The following RALYL variants were observed in gnomAD, a reference collection of about 807,000 sequenced individuals.
The protein encoded by RALYL is RNA-binding Raly-like protein.
A neutral mutation model predicts 35.1 loss-of-function variants in RALYL; 29 were observed. The observed-to-expected ratio is 0.83, with a 90% CI of 0.61 to 1.13. The LOEUF (loss-of-function observed/expected upper bound fraction) is 1.13, where lower values mean the gene tolerates loss of function less well. RALYL is among the 50% of genes most tolerant of loss of function. The pLI is 0.00. For synonymous variants in RALYL, 120 were observed against 127.6 expected, an observed-to-expected ratio of 0.94 and a Z score of 0.40; for missense variants, 359 against 360.4, an observed-to-expected ratio of 1.00 and a Z score of 0.03.
chr8:84,873,234 T>TA, intron 6 of RALYL, 50 bp from the exon 7 acceptor site: 4 of 1,016,716 alleles, frequency 3.9e-6, no homozygotes, highest in Non-Finnish European at 6.0e-6. Flanking sequence ...CTAGGTGAGT[T>TA]ATGGTGCATT....
At chr8:84,913,683 T>C (rs1847949481) in intron 8 of RALYL, among the ~76,000 whole-genome samples, 1 of 151,992 alleles carries the variant, frequency 6.6e-6, no homozygotes, top group Non-Finnish European at 1.5e-5. Flanking sequence ...AAACATGAAA[T>C]AGAAGGTACT....
intron 1 of RALYL, among the ~76,000 whole-genome samples, chr8:84,525,733 C>T (rs549492214): frequency 6.6e-6 from 1 of 152,008 alleles, no homozygotes; most frequent in Non-Finnish European, 1.5e-5. Flanking sequence ...CAAATTCGTT[C>T]TTCTGCAGTT....
At chr8:84,691,902 T>G (rs1838134339) in intron 2 of RALYL, among the ~76,000 whole-genome samples, 1 of 152,046 alleles carries the variant, frequency 6.6e-6, no homozygotes, top group Non-Finnish European at 1.5e-5. Flanking sequence ...TAAAATATCA[T>G]GATCACATTG....
At chr8:84,718,632 G>A (rs1564426714) in intron 2 of RALYL, among the ~76,000 whole-genome samples, 1 of 151,890 alleles carries the variant, frequency 6.6e-6, no homozygotes, top group Non-Finnish European at 1.5e-5. Flanking sequence ...GGGCGTGGTG[G>A]TGCATGCCTG....
intron 2 of RALYL, among the ~76,000 whole-genome samples, chr8:84,554,949 C>CT (rs926889029): frequency 2.0e-5 from 3 of 151,948 alleles, no homozygotes; most frequent in Admixed American, 2.0e-4. Flanking sequence ...AGTCATAACT[C>CT]TTTTTTTACC....
intron 4 of RALYL, among the ~76,000 whole-genome samples, chr8:84,823,574 A>G (rs779435939): frequency 3.2e-4 from 49 of 152,050 alleles, no homozygotes; most frequent in Non-Finnish European, 6.2e-4. Flanking sequence ...GGGAGACTAG[A>G]AAGCCCTGAA....
chr8:84,894,733 T>G, intron 8 of RALYL, among the ~76,000 whole-genome samples: 1 of 152,290 alleles, frequency 6.6e-6, no homozygotes, highest in Middle Eastern at 3.4e-3. Context: ...TCTTCAAGAG[T>G]TCTGATCCCT....
chr8:84,543,016 C>G (rs2060119123), intron 2 of RALYL, among the ~76,000 whole-genome samples: 2 of 152,094 alleles, frequency 1.3e-5, no homozygotes. Context: ...ATCATTTGTC[C>G]TATATAATTG....
At chr8:84,204,633 C>G (rs1220938961) in intron 1 of RALYL, among the ~76,000 whole-genome samples, 1 of 152,102 alleles carries the variant, frequency 6.6e-6, no homozygotes, top group East Asian at 1.9e-4. Flanking sequence ...CTATGTTCCC[C>G]AAAGTACTGC....
intron 1 of RALYL, among the ~76,000 whole-genome samples, chr8:84,425,783 C>CTATGTGTGTATGTGTGTG (rs372367035): frequency 4.8e-5 from 7 of 144,508 alleles, no homozygotes; most frequent in African/African-American, 1.8e-4. Context: ...AGTTTTTCTT[C>CTATGTGTGTATGTGTGTG]TGTGTGTGTG....
At chr8:84,258,070 T>C (rs922374703) in intron 1 of RALYL, among the ~76,000 whole-genome samples, 14 of 152,130 alleles carry the variant, frequency 9.2e-5, no homozygotes, top group African/African-American at 2.2e-4. Context: ...GTTCTTGAAC[T>C]TGGAAACAGC....
chr8:84,480,041 T>C (rs888887613), intron 1 of RALYL, among the ~76,000 whole-genome samples: 8 of 152,128 alleles, frequency 5.3e-5, no homozygotes, highest in Non-Finnish European at 1.0e-4. Context: ...TGGAAAAAAG[T>C]GTAATATCTG....
chr8:84,813,419 T>A (rs1826372078), intron 4 of RALYL, among the ~76,000 whole-genome samples: 2 of 152,300 alleles, frequency 1.3e-5, no homozygotes, highest in South Asian at 4.1e-4. Flanking sequence ...GGAACTGCAG[T>A]CTAGTCCTGC....
intron 2 of RALYL, among the ~76,000 whole-genome samples, chr8:84,646,508 T>A (rs140663738): frequency 2.0e-4 from 31 of 152,140 alleles, no homozygotes; most frequent in Middle Eastern, 3.4e-3. Flanking sequence ...ATGGGAAAAA[T>A]TTTCATCAGC....
intron 1 of RALYL, among the ~76,000 whole-genome samples, chr8:84,320,580 C>T (rs1844617059): frequency 6.6e-6 from 1 of 151,924 alleles, no homozygotes; most frequent in South Asian, 2.1e-4. Context: ...ACCAAAGATA[C>T]AGAATTTAAA....
chr8:84,256,779 T>A (rs1831292690), intron 1 of RALYL, among the ~76,000 whole-genome samples: 1 of 152,078 alleles, frequency 6.6e-6, no homozygotes, highest in Admixed American at 6.6e-5. Context: ...ACGGTCATGC[T>A]CACTTTCTAA....
At chr8:84,602,949 G>A (rs533381792) in intron 2 of RALYL, among the ~76,000 whole-genome samples, 3 of 152,212 alleles carry the variant, frequency 2.0e-5, no homozygotes, top group African/African-American at 7.2e-5. Flanking sequence ...TAATATTTAA[G>A]CTGAGGCTTG....
chr8:84,634,023 C>G (rs1351675213), intron 2 of RALYL, among the ~76,000 whole-genome samples: 1 of 151,762 alleles, frequency 6.6e-6, no homozygotes, highest in Non-Finnish European at 1.5e-5. Flanking sequence ...AACAAAATAC[C>G]TCATTACTTA....
chr8:84,629,630 A>C (rs1375757697), intron 2 of RALYL, among the ~76,000 whole-genome samples: 1 of 152,024 alleles, frequency 6.6e-6, no homozygotes, highest in Non-Finnish European at 1.5e-5. Context: ...AATTCAGCTC[A>C]TATGACAGAA....
Sources: allele counts gnomAD v4.1 joint callset (sites outside exome capture counted in the v4.1 genomes callset), GRCh38; gene constraint gnomAD v4.1.1; transcripts MANE v1.5; gene names NCBI Gene and HGNC (gene_info 2026-07-23, HGNC 2026-07-21).